The following ASZ1 variants were observed in gnomAD, a reference collection of about 807,000 sequenced individuals.
The protein encoded by ASZ1 is ankyrin repeat, SAM and basic leucine zipper domain containing 1.
A neutral mutation model predicts 61.8 loss-of-function variants in ASZ1; 67 were observed. That is an observed-to-expected ratio of 1.08 (90% confidence interval 0.89 to 1.33). ASZ1 has a LOEUF of 1.33. ASZ1 is among the 40% of genes most tolerant of loss of function. The pLI is 0.00. For missense variants in ASZ1, 577 were observed against 554.5 expected (o/e 1.04, Z -0.41); for synonymous variants, 193 against 192.7 (o/e 1.00, Z -0.01).
chr7:117,367,606 C>T lies in ASZ1; in HGVS notation c.1162-141G>A, dbSNP rs191306118. The T allele has an allele frequency of 1.1e-3, 1,290 of 1,151,758 alleles. 11 individuals carry two copies. In the African/African-American group the frequency reaches 0.012, roughly 11 times the overall value. The allele number at this position is 1,151,758 out of a possible 1,614,324, so 71.3% of individuals were successfully genotyped here. On this transcript the variant is annotated intron_variant, in intron 11 of 12. Transcript: ENST00000284629. ...TTTTTGTTTAGGATAAATACTGACACCAAAAATAAGTAATTTTATAAAAAT... is the reference window on the plus strand; with the variant it reads ...TTTTTGTTTAGGATAAATACTGACATCAAAAATAAGTAATTTTATAAAAAT...
At chr7:117,426,350 C>T (rs1797210796) in intron 2 of ASZ1, among the ~76,000 whole-genome samples, 1 of 149,880 alleles carries the variant, frequency 6.7e-6, no homozygotes, top group Non-Finnish European at 1.5e-5. Context: ...ATTAGCCGGG[C>T]GTGGTGTCAC....
intron 4 of ASZ1, among the ~76,000 whole-genome samples, chr7:117,412,700 C>A (rs1796918368): frequency 6.6e-6 from 1 of 151,734 alleles, no homozygotes; most frequent in Non-Finnish European, 1.5e-5. Context: ...CTTTACAAAA[C>A]CCTTATCTTA....
In ASZ1 at chr7:117,383,057, C is replaced by T; in HGVS notation, c.741G>A (p.Gln247=). The change falls in exon 7 of 13, where the codon CAG becomes CAA. Residue 247 remains glutamine (Q), a synonymous_variant. Coordinates refer to ENST00000284629, the MANE Select transcript of ASZ1 (RefSeq NM_130768.3). ...TLNPLEGKLQ[Q]LTKEDTICKI... ...TACAAATAGTGTCTTCTTTAGTTAG[C>T]TGTTGAAGTTTTCCTTCCAATGGAT... 1.3e-6 allele frequency: 2 copies of T among 1,583,582 alleles called. No homozygotes were observed. Among genetic ancestry groups the T allele is most frequent in the Non-Finnish European group, 1.7e-6 (2 of 1,167,336 alleles).
chr7:117,406,795 A>G (rs976622634), intron 4 of ASZ1, among the ~76,000 whole-genome samples: 7 of 152,064 alleles, frequency 4.6e-5, no homozygotes, highest in African/African-American at 9.7e-5. Flanking sequence ...ATATGACAAC[A>G]ATAGCACAAA....
chr7:117,386,731 A>C (rs1343204066), intron 4 of ASZ1, among the ~76,000 whole-genome samples: 2 of 152,214 alleles, frequency 1.3e-5, no homozygotes, highest in Admixed American at 1.3e-4. Context: ...ACCTACCAAT[A>C]GACTATTTCT....
chr7:117,387,990 C>T (rs1348338900), intron 4 of ASZ1, among the ~76,000 whole-genome samples: 1 of 152,020 alleles, frequency 6.6e-6, no homozygotes, highest in Non-Finnish European at 1.5e-5. Flanking sequence ...TACAGATTAT[C>T]CAGATTTTAG....
At chr7:117,415,053 G>T (rs1268224035) in intron 4 of ASZ1, among the ~76,000 whole-genome samples, 2 of 152,110 alleles carry the variant, frequency 1.3e-5, no homozygotes, top group Non-Finnish European at 2.9e-5. Context: ...CTAGATCCTT[G>T]AGGAATCGCC....
intron 4 of ASZ1, among the ~76,000 whole-genome samples, chr7:117,387,728 G>A (rs1053451522): frequency 2.0e-5 from 3 of 152,110 alleles, no homozygotes; most frequent in African/African-American, 7.2e-5. Context: ...TCTCATAACT[G>A]CTCTCCTCCA....
intron 2 of ASZ1, among the ~76,000 whole-genome samples, chr7:117,423,343 CATA>C (rs1168104533): frequency 6.6e-6 from 1 of 151,904 alleles, no homozygotes; most frequent in Admixed American, 6.6e-5. Flanking sequence ...ATATAAGGTA[CATA>C]ATAATCACTG....
intron 4 of ASZ1, among the ~76,000 whole-genome samples, chr7:117,386,080 T>C (rs1304018131): frequency 6.6e-6 from 1 of 152,206 alleles, no homozygotes; most frequent in Non-Finnish European, 1.5e-5. Context: ...CTTTCTACTA[T>C]GAAGTTCACT....
intron 10 of ASZ1, among the ~76,000 whole-genome samples, chr7:117,379,097 C>T (rs569031572): frequency 4.5e-4 from 66 of 145,888 alleles, no homozygotes; most frequent in African/African-American, 1.3e-3. Flanking sequence ...ACATTGAACA[C>T]GGAAGTAGTT....
At chr7:117,371,082 C>T (rs935004029) in intron 10 of ASZ1, among the ~76,000 whole-genome samples, 2 of 152,134 alleles carry the variant, frequency 1.3e-5, no homozygotes, top group African/African-American at 4.8e-5. Flanking sequence ...GCCTCAGCCT[C>T]CCAAAGTGCT....
chr7:117,420,349 C>A, intron 3 of ASZ1, 75 bp from the exon 4 acceptor site: 2 of 1,041,024 alleles, frequency 1.9e-6, no homozygotes, highest in South Asian at 2.9e-5. Flanking sequence ...CCACTCAAAA[C>A]ATTCTATTAT....
At chr7:117,423,031 A>G (rs1797127604) in intron 2 of ASZ1, among the ~76,000 whole-genome samples, 1 of 152,210 alleles carries the variant, frequency 6.6e-6, no homozygotes, top group South Asian at 2.1e-4. Flanking sequence ...GGAGAGAGAA[A>G]GGAAGGAAAA....
chr7:117,377,468 C>T (rs1320579034), intron 10 of ASZ1, among the ~76,000 whole-genome samples: 1 of 152,076 alleles, frequency 6.6e-6, no homozygotes, highest in Non-Finnish European at 1.5e-5. Flanking sequence ...TTCGAGGTTG[C>T]AGTGAGCCCT....
chr7:117,403,726 C>T (rs1405043955), intron 4 of ASZ1, among the ~76,000 whole-genome samples: 2 of 152,096 alleles, frequency 1.3e-5, no homozygotes, highest in South Asian at 2.1e-4. Flanking sequence ...TATGAGTGCA[C>T]TTGGCTCCAG....
chr7:117,403,612 G>T (rs1796720888), intron 4 of ASZ1, among the ~76,000 whole-genome samples: 1 of 152,136 alleles, frequency 6.6e-6, no homozygotes, highest in Non-Finnish European at 1.5e-5. Flanking sequence ...CTTCGTGACA[G>T]TCTCCCAACT....
chr7:117,386,215 A>C (rs1459468917), intron 4 of ASZ1, among the ~76,000 whole-genome samples: 5 of 152,230 alleles, frequency 3.3e-5, no homozygotes, highest in African/African-American at 1.2e-4. Flanking sequence ...AATGCTTATT[A>C]CATTTTATTT....
chr7:117,398,942 T>C (rs1796624604), intron 4 of ASZ1, among the ~76,000 whole-genome samples: 1 of 152,168 alleles, frequency 6.6e-6, no homozygotes. Context: ...CAAAACTAAG[T>C]TTGAGGCTGG....
Sources: allele counts gnomAD v4.1 joint callset (sites outside exome capture counted in the v4.1 genomes callset), GRCh38; gene constraint gnomAD v4.1.1; transcripts MANE v1.5; gene names NCBI Gene and HGNC (gene_info 2026-07-23, HGNC 2026-07-21).